LRMDA: variants seen among roughly 807,000 people sequenced by gnomAD.
The protein encoded by LRMDA is leucine-rich melanocyte differentiation-associated protein.
A neutral mutation model predicts 29.8 loss-of-function variants in LRMDA; 18 were observed. The ratio of observed to expected loss-of-function variants is 0.60; its 90% CI spans 0.42 to 0.90. LRMDA has a LOEUF of 0.90. LRMDA is among the 40% of genes least tolerant of loss of function. The pLI, the probability that LRMDA is intolerant of heterozygous loss-of-function variation, is 0.00. For synonymous variants in LRMDA, 125 were observed against 109.4 expected, an observed-to-expected ratio of 1.14 and a Z score of -0.89; for missense variants, 273 against 273.9, an observed-to-expected ratio of 1.00 and a Z score of 0.02.
intron 2 of LRMDA, among the ~76,000 whole-genome samples, chr10:75,872,273 C>T (rs1363944683): frequency 2.0e-5 from 3 of 151,796 alleles, no homozygotes; most frequent in Non-Finnish European, 2.9e-5. Flanking sequence ...CTGGGGCCTT[C>T]TGATTCGTTC....
At chr10:76,240,984 C>A (rs1852267297) in intron 5 of LRMDA, among the ~76,000 whole-genome samples, 1 of 151,820 alleles carries the variant, frequency 6.6e-6, no homozygotes, top group Non-Finnish European at 1.5e-5. Flanking sequence ...AACTGGAGAC[C>A]ATTATTCTAA....
Position 76,098,406 on chromosome 10 carries a change from T to C in LRMDA, c.516+39623T>C, listed in dbSNP as rs530308872. Among the ~76,000 whole-genome samples, 18 of 152,350 alleles carry C rather than the reference T, an allele frequency of 1.2e-4. No individual in the cohort carries two copies. The East Asian group carries it at 3.5e-3, about 29-fold the overall frequency. Reference sequence around the variant, plus strand: ...GCTATTCAGATTATCTATTTCCTTTTAGGATGAGATTTGGTAATTGGTGTC... The same window carrying C: ...GCTATTCAGATTATCTATTTCCTTTCAGGATGAGATTTGGTAATTGGTGTC... On this transcript the variant is annotated intron_variant, in intron 5 of 6. Coordinates refer to ENST00000611255, the MANE Select transcript of LRMDA (RefSeq NM_001305581.2).
intron 6 of LRMDA, among the ~76,000 whole-genome samples, chr10:76,465,783 C>T (rs917348354): frequency 3.3e-5 from 5 of 152,112 alleles, no homozygotes; most frequent in African/African-American, 1.2e-4. Flanking sequence ...GGGTTGATTT[C>T]CTCCGAGAAC....
intron 2 of LRMDA, among the ~76,000 whole-genome samples, chr10:75,978,926 T>G (rs1409775349): frequency 1.3e-5 from 2 of 152,212 alleles, no homozygotes; most frequent in Non-Finnish European, 2.9e-5. Context: ...CCAGGCAATC[T>G]GTGCAGTGGC....
intron 6 of LRMDA, among the ~76,000 whole-genome samples, chr10:76,425,826 C>T (rs1474917562): frequency 1.3e-5 from 2 of 150,824 alleles, no homozygotes; most frequent in African/African-American, 2.4e-5. Context: ...TTGTTCAGTT[C>T]CCACCTATGA....
intron 2 of LRMDA, among the ~76,000 whole-genome samples, chr10:75,794,129 A>G (rs1843614001): frequency 6.6e-6 from 1 of 152,260 alleles, no homozygotes; most frequent in Admixed American, 6.5e-5. Context: ...TAATCAAGCT[A>G]TTCCTGACTG....
chr10:75,462,264 C>T (rs940571554), intron 2 of LRMDA, among the ~76,000 whole-genome samples: 4 of 152,198 alleles, frequency 2.6e-5, no homozygotes, highest in East Asian at 1.9e-4. Context: ...TCATCACATT[C>T]GAGCCCACAT....
chr10:76,382,743 C>T lies in LRMDA; in HGVS notation c.601+58258C>T, dbSNP rs184614410. On this transcript the variant is annotated intron_variant, in intron 6 of 6. Transcript: ENST00000611255. ...TTTGAAATTCAAAGAACAGCTTTGTCCCCTGGGGACAGAGTGACTTTCTTC... is the reference window on the plus strand; with the variant it reads ...TTTGAAATTCAAAGAACAGCTTTGTTCCCTGGGGACAGAGTGACTTTCTTC... Among the ~76,000 whole-genome samples the T allele has an allele frequency of 1.2e-3, 179 of 152,278 alleles. 1 individual carries two copies. Among genetic ancestry groups the T allele is most frequent in the Non-Finnish European group, 2.4e-4 (16 of 68,028 alleles).
At chr10:75,705,509 G>A (rs1175917656) in intron 2 of LRMDA, among the ~76,000 whole-genome samples, 1 of 152,216 alleles carries the variant, frequency 6.6e-6, no homozygotes, top group African/African-American at 2.4e-5. Context: ...AAGTGGACAG[G>A]AGAGGCTCTG....
rs146665187 is a variant in LRMDA, at chr10:75,904,518, C to T, written c.132-131490C>T. Among the ~76,000 whole-genome samples, 751 of 152,218 alleles carry T rather than the reference C, an allele frequency of 4.9e-3. 4 individuals carry two copies. The highest frequency in any genetic ancestry group is 7.4e-3 in the Non-Finnish European group (505 of 68,016). On this transcript the variant is annotated intron_variant, in intron 2 of 6. Transcript: ENST00000611255. The stretch of plus-strand genomic sequence containing the variant: ...CAGTAAAGGATTTGACAGTATGTTA[C>T]GACAGTCATCAATCCACTGAGCCCT...
intron 2 of LRMDA, among the ~76,000 whole-genome samples, chr10:75,536,476 T>C (rs1839949659): frequency 6.6e-6 from 1 of 152,142 alleles, no homozygotes; most frequent in African/African-American, 2.4e-5. Context: ...AGGTATGCTC[T>C]TCTCTCTGTC....
chr10:75,439,743 G>A (rs1284811400), intron 2 of LRMDA, among the ~76,000 whole-genome samples: 2 of 152,226 alleles, frequency 1.3e-5, no homozygotes, highest in East Asian at 3.8e-4. Flanking sequence ...AAGTTGTAAA[G>A]TAGTACACAG....
chr10:75,809,688 GCACTT>G (rs1843922123), intron 2 of LRMDA, among the ~76,000 whole-genome samples: 1 of 152,068 alleles, frequency 6.6e-6, no homozygotes, highest in Non-Finnish European at 1.5e-5. Context: ...TGGATTCATG[GCACTT>G]CATGTTCCAG....
intron 2 of LRMDA, among the ~76,000 whole-genome samples, chr10:75,452,256 G>A (rs1013620984): frequency 1.3e-5 from 2 of 152,080 alleles, no homozygotes; most frequent in Admixed American, 6.6e-5. Context: ...TTGGCGTCTC[G>A]ATGCCCATTT....
intron 2 of LRMDA, among the ~76,000 whole-genome samples, chr10:75,496,660 A>G (rs1845047383): frequency 6.6e-6 from 1 of 152,144 alleles, no homozygotes; most frequent in Non-Finnish European, 1.5e-5. Context: ...GCGCTTTTAC[A>G]ACTAGAAACA....
intron 2 of LRMDA, among the ~76,000 whole-genome samples, chr10:75,957,754 A>G (rs1286718560): frequency 6.6e-6 from 1 of 152,082 alleles, no homozygotes; most frequent in Admixed American, 6.5e-5. Flanking sequence ...GAGTGAGAGG[A>G]GGAGAGAAGC....
intron 2 of LRMDA, among the ~76,000 whole-genome samples, chr10:75,576,023 T>C (rs1840501897): frequency 6.7e-6 from 1 of 149,868 alleles, no homozygotes; most frequent in Non-Finnish European, 1.5e-5. Flanking sequence ...GACAGAACCA[T>C]TCACTCCCCT....
chr10:76,064,828 A>G (rs1311185324), intron 5 of LRMDA, among the ~76,000 whole-genome samples: 2 of 152,242 alleles, frequency 1.3e-5, no homozygotes, highest in African/African-American at 4.8e-5. Flanking sequence ...ATATATTTTG[A>G]AAGTTCTCCA....
chr10:75,477,217 C>A (rs1844806115), intron 2 of LRMDA, among the ~76,000 whole-genome samples: 1 of 152,122 alleles, frequency 6.6e-6, no homozygotes, highest in Admixed American at 6.5e-5. Flanking sequence ...TGGCCTCAAG[C>A]AGTCCTCTCG....
Sources: gnomAD v4.1 joint callset for allele counts (sites outside exome capture counted in the v4.1 genomes callset) on GRCh38, gnomAD v4.1.1 for gene constraint, MANE v1.5 for transcripts, NCBI Gene and HGNC (gene_info 2026-07-23, HGNC 2026-07-21) for gene names.